PNLIP: variants seen among roughly 807,000 people sequenced by gnomAD.
PNLIP encodes pancreatic triacylglycerol lipase.
PNLIP carries 49 observed loss-of-function variants against 57.1 expected under a neutral mutation model. The observed-to-expected ratio is 0.86, with a 90% confidence interval of 0.68 to 1.09. PNLIP has a LOEUF of 1.09. Ranked by LOEUF, PNLIP falls within the 50% of genes least tolerant of loss-of-function variation. The pLI is 0.00. For missense variants in PNLIP, 503 were observed against 570.2 expected, an observed-to-expected ratio of 0.88 and a Z score of 1.20; for synonymous variants, 209 against 200.4, an observed-to-expected ratio of 1.04 and a Z score of -0.36.
At chr10:116,553,692 T>G (rs1266098703) in intron 5 of PNLIP, 35 bp from the exon 6 acceptor site, 1 of 1,362,378 alleles carries the variant, frequency 7.3e-7, no homozygotes, top group Non-Finnish European at 1.0e-6. Flanking sequence ...ATGACTGCAC[T>G]TGAAAACATT....
In PNLIP at chr10:116,553,710, G is replaced by T; in HGVS notation, c.460-17G>T. 1 of 1,513,980 alleles carries T rather than the reference G, an allele frequency of 6.6e-7. No individual in the cohort carries two copies. Among genetic ancestry groups the T allele is most frequent in the Non-Finnish European group, 9.2e-7 (1 of 1,089,166 alleles). 93.8% of individuals were successfully genotyped at this position (1,513,980 alleles called of 1,614,324 possible). ...ACTGCACTTGAAAACATTCTGAAAA[G>T]GTTTTCTTTCCGACAGTCGGCGTTC... On this transcript the variant is annotated splice_polypyrimidine_tract_variant and intron_variant, in intron 5 of 12. Coordinates refer to ENST00000369221, the MANE Select transcript of PNLIP (RefSeq NM_000936.4).
chr10:116,555,471 C>A lies in PNLIP; in HGVS notation c.775C>A (p.Leu259Ile). 1 of 1,614,044 alleles carries A rather than the reference C, an allele frequency of 6.2e-7. No individual in the cohort carries two copies. Among genetic ancestry groups the A allele is most frequent in the Non-Finnish European group, 8.5e-7 (1 of 1,179,906 alleles). The change falls in exon 8 of 13, where the codon CTC (leucine) becomes ATC (isoleucine). Residue 259 changes from leucine to isoleucine, a missense_variant. By Grantham distance (5) the Leu-to-Ile change is conservative. Coordinates refer to ENST00000369221, the MANE Select transcript of PNLIP (RefSeq NM_000936.4). ...VEMPGCKKNILSQIVDIDGIW... is the reference protein window; with the variant it reads ...VEMPGCKKNIISQIVDIDGIW... ...AATGCCTGGATGTAAAAAGAACATT[C>A]TCTCTCAGATTGTGGACATAGACGG...
In PNLIP at chr10:116,554,674, G is replaced by A. The variant is rs145745196; in HGVS notation, c.572-504G>A. On this transcript the variant is annotated intron_variant, in intron 6 of 12. Coordinates refer to ENST00000369221, the MANE Select transcript of PNLIP (RefSeq NM_000936.4). The stretch of plus-strand genomic sequence containing the variant: ...TTCTTTTTAACCCTTGGGATAAGTC[G>A]GCTGTATTTGGACTTGGGATAATCT... 7.7e-3 allele frequency among the ~76,000 whole-genome samples: 1,177 copies of A among 152,252 alleles called. 7 individuals are homozygous for A. The highest frequency in any genetic ancestry group is 0.012 in the Non-Finnish European group (811 of 68,014).
chr10:116,565,122 C>T (rs577681600), intron 12 of PNLIP, among the ~76,000 whole-genome samples: 3 of 151,674 alleles, frequency 2.0e-5, no homozygotes, highest in South Asian at 4.2e-4. Context: ...TGGTGGTGGG[C>T]TCCTGTAGTC....
chr10:116,548,841 T>G (rs2133198137), intron 4 of PNLIP, among the ~76,000 whole-genome samples: 1 of 152,310 alleles, frequency 6.6e-6, no homozygotes, highest in African/African-American at 2.4e-5. Flanking sequence ...TGCTAAGAGG[T>G]CTCATTTTGC....
Position 116,547,367 on chromosome 10 carries a change from C to T in PNLIP, c.120C>T (p.Pro40=). 6.2e-7 allele frequency: 1 copy of T among 1,613,862 alleles called. No individual in the cohort carries two copies. Among genetic ancestry groups the T allele is most frequent in the South Asian group, 1.1e-5 (1 of 91,054 alleles). ...DSPWSGITER[P]LHILPWSPKD... is the part of the protein sequence containing the mutation. Reference sequence around the variant, plus strand: ...CATGGTCAGGAATTACGGAAAGACCCCTCCATATATTGCCTTGGTCTCCAA... The same window carrying T: ...CATGGTCAGGAATTACGGAAAGACCTCTCCATATATTGCCTTGGTCTCCAA... Residue 40 remains proline (P), a synonymous_variant, in exon 3 of 13, where the codon CCC becomes CCT. Transcript: ENST00000369221.
intron 5 of PNLIP, among the ~76,000 whole-genome samples, chr10:116,553,501 A>G (rs888407216): frequency 6.6e-6 from 1 of 152,242 alleles, no homozygotes; most frequent in Non-Finnish European, 1.5e-5. Flanking sequence ...CCTAGAGTAC[A>G]CAGAACAGTA....
In PNLIP at chr10:116,555,343, T is replaced by A. The variant is rs781607003; in HGVS notation, c.692-45T>A. ...CCCAAAGGGTGTTATAGTGTCTGAG[T>A]CTATATACATTAGCATAAACCCTCA... On this transcript the variant is annotated intron_variant, in intron 7 of 12. Transcript: ENST00000369221. 11 of 1,614,104 alleles carry A rather than the reference T, an allele frequency of 6.8e-6. No homozygotes were observed. In the African/African-American group the frequency reaches 1.3e-4, roughly 20 times the overall value.
chr10:116,566,981 T>C (rs1847373953), intron 12 of PNLIP, among the ~76,000 whole-genome samples: 1 of 151,916 alleles, frequency 6.6e-6, no homozygotes, highest in Admixed American at 6.6e-5. Context: ...TTTCCTTTTT[T>C]CCCTCCCTCC....
intron 5 of PNLIP, among the ~76,000 whole-genome samples, chr10:116,553,207 G>A (rs1847213763): frequency 6.6e-6 from 1 of 152,218 alleles, no homozygotes; most frequent in African/African-American, 2.4e-5. Flanking sequence ...CCGGGTTCAA[G>A]TGATTCTCCC....
At chr10:116,564,607 A>T (rs760759508) in intron 12 of PNLIP, among the ~76,000 whole-genome samples, 1 of 152,202 alleles carries the variant, frequency 6.6e-6, no homozygotes, top group Non-Finnish European at 1.5e-5. Context: ...TAGGAAATAC[A>T]TGATAAATAC....
intron 2 of PNLIP, among the ~76,000 whole-genome samples, chr10:116,546,930 C>T (rs1434113109): frequency 4.6e-5 from 7 of 152,160 alleles, no homozygotes; most frequent in Non-Finnish European, 7.4e-5. Context: ...TTTCAAAGCC[C>T]ACAGCTAAAC....
Position 116,559,130 on chromosome 10 carries a change from T to C in PNLIP, c.931-24T>C, listed in dbSNP as rs764046327. The C allele has an allele frequency of 1.2e-5, 19 of 1,599,772 alleles. No individual in the cohort carries two copies. In the African/African-American group the frequency reaches 2.3e-4, roughly 19 times the overall value. On this transcript the variant is annotated intron_variant, in intron 9 of 12. Transcript: ENST00000369221. ...CAACTAAAAGATAGGGCATCCTCAT[T>C]CATCATTTGTTTGTTTTCACTAGAA... is the stretch of plus-strand genomic sequence containing the variant.
At chr10:116,566,269 G>A (rs1273372185) in intron 12 of PNLIP, among the ~76,000 whole-genome samples, 1 of 152,316 alleles carries the variant, frequency 6.6e-6, no homozygotes, top group Non-Finnish European at 1.5e-5. Context: ...CAATATGGAT[G>A]AATCTCGAGA....
intron 4 of PNLIP, 65 bp from the exon 5 acceptor site, chr10:116,551,033 T>C: frequency 3.0e-6 from 4 of 1,321,486 alleles, no homozygotes; most frequent in Non-Finnish European, 4.1e-6. Context: ...AGTCCTCCAG[T>C]ATGTTAACTA....
intron 10 of PNLIP, among the ~76,000 whole-genome samples, chr10:116,560,195 A>T (rs1847298606): frequency 6.6e-6 from 1 of 151,958 alleles, no homozygotes; most frequent in African/African-American, 2.4e-5. Context: ...ACTTTGAAAA[A>T]ATTCTGCAAA....
At chr10:116,566,512 T>A (rs1031312268) in intron 12 of PNLIP, among the ~76,000 whole-genome samples, 2 of 152,140 alleles carry the variant, frequency 1.3e-5, no homozygotes, top group African/African-American at 2.4e-5. Context: ...GGTGTGTGTG[T>A]GTTGTGTGTG....
chr10:116,556,090 C>T lies in PNLIP; in HGVS notation c.902C>T (p.Pro301Leu), dbSNP rs754163353. The stretch of plus-strand genomic sequence containing the variant: ...AACCCTGATGGCTTTGCTGGATTCC[C>T]CTGTGCCTCTTACAACGTCTTCACT... ...IVNPDGFAGF[P>L]CASYNVFTAN... Residue 301 changes from proline to leucine, a missense_variant, in exon 9 of 13, where the codon CCC becomes CTC. By Grantham distance (98) the Pro-to-Leu change is moderately conservative. Coordinates refer to ENST00000369221, the MANE Select transcript of PNLIP (RefSeq NM_000936.4). 9.3e-6 allele frequency: 15 copies of T among 1,612,102 alleles called. No homozygotes were observed. In the East Asian group the frequency reaches 2.0e-4, roughly 22 times the overall value.
At chr10:116,556,210 T>C (rs913099817) in intron 9 of PNLIP, 92 bp downstream of exon 9, 1 of 735,064 alleles carries the variant, frequency 1.4e-6, no homozygotes, top group African/African-American at 1.7e-5. Flanking sequence ...ATTCAATGAA[T>C]GTTTATACTT....
Sources: allele counts gnomAD v4.1 joint callset (sites outside exome capture counted in the v4.1 genomes callset), GRCh38; gene constraint gnomAD v4.1.1; transcripts MANE v1.5; gene names NCBI Gene and HGNC (gene_info 2026-07-23, HGNC 2026-07-21).